The following PPP3CA variants were observed in gnomAD, a reference collection of about 807,000 sequenced individuals.
PPP3CA encodes protein phosphatase 3 catalytic subunit alpha.
PPP3CA carries 14 observed loss-of-function variants against 66.5 expected under a neutral mutation model. The observed-to-expected ratio is 0.21, with a 90% CI of 0.14 to 0.33. PPP3CA has a LOEUF of 0.33. Among genes scored for constraint, PPP3CA ranks in the 10% least tolerant of loss-of-function variants. The pLI, the probability that PPP3CA is intolerant of heterozygous loss-of-function variation, is 1.00. For synonymous variants in PPP3CA, 232 were observed against 226.2 expected (o/e 1.03, Z -0.23); for missense variants, 317 against 639.5 (o/e 0.50, Z 5.44).
intron 1 of PPP3CA, among the ~76,000 whole-genome samples, chr4:101,283,460 T>C (rs1321548270): frequency 6.6e-6 from 1 of 152,226 alleles, no homozygotes; most frequent in Non-Finnish European, 1.5e-5. Context: ...AGAGTGGTAT[T>C]TTTAATTAGC....
chr4:101,222,277 T>C (rs576745444), intron 1 of PPP3CA, among the ~76,000 whole-genome samples: 2 of 151,752 alleles, frequency 1.3e-5, no homozygotes, highest in South Asian at 4.1e-4. Context: ...TAATTTCAAA[T>C]ATATATGTGA....
chr4:101,281,544 TTAATA>T (rs1442858137), intron 1 of PPP3CA, among the ~76,000 whole-genome samples: 1 of 151,454 alleles, frequency 6.6e-6, no homozygotes, highest in Non-Finnish European at 1.5e-5. Flanking sequence ...GTATAAAAAG[TTAATA>T]TAATTGAGTT....
chr4:101,098,321 A>C (rs370017879), intron 5 of PPP3CA, 46 bp downstream of exon 5: 1 of 1,525,330 alleles, frequency 6.6e-7, no homozygotes, highest in African/African-American at 1.4e-5. Context: ...TCTATTTATT[A>C]CTGTAGCGCA....
At chr4:101,210,632 A>G (rs1391523882) in intron 1 of PPP3CA, among the ~76,000 whole-genome samples, 4 of 152,124 alleles carry the variant, frequency 2.6e-5, no homozygotes, top group African/African-American at 9.7e-5. Context: ...CAACTTCTCA[A>G]AACACACAAA....
chr4:101,336,440 C>T (rs144469365), intron 1 of PPP3CA, among the ~76,000 whole-genome samples: 1,736 of 151,952 alleles, frequency 0.011, 20 homozygotes, highest in Non-Finnish European at 0.016. Context: ...GGCATGGTGG[C>T]GCATGCCTGT....
At chr4:101,191,014 G>C (rs1724584460) in intron 2 of PPP3CA, among the ~76,000 whole-genome samples, 2 of 152,238 alleles carry the variant, frequency 1.3e-5, no homozygotes, top group South Asian at 4.1e-4. Context: ...GCTAAGCATA[G>C]GATATGTAGA....
chr4:101,319,240 A>C (rs1728968964), intron 1 of PPP3CA, among the ~76,000 whole-genome samples: 1 of 151,786 alleles, frequency 6.6e-6, no homozygotes, highest in Non-Finnish European at 1.5e-5. Context: ...ATGTATACCC[A>C]AAAAAGAATG....
At chr4:101,140,232 C>G (rs1722760630) in intron 2 of PPP3CA, among the ~76,000 whole-genome samples, 1 of 152,190 alleles carries the variant, frequency 6.6e-6, no homozygotes, top group Non-Finnish European at 1.5e-5. Context: ...AAGTGGAACT[C>G]ATCCTATATT....
chr4:101,313,364 T>C (rs1429678433), intron 1 of PPP3CA, among the ~76,000 whole-genome samples: 1 of 152,168 alleles, frequency 6.6e-6, no homozygotes, highest in Non-Finnish European at 1.5e-5. Context: ...CTGAGACATA[T>C]CAGTGAGGTT....
At chr4:101,172,129 ACT>A (rs777048936) in intron 2 of PPP3CA, among the ~76,000 whole-genome samples, 7 of 151,826 alleles carry the variant, frequency 4.6e-5, no homozygotes, top group Non-Finnish European at 7.4e-5. Context: ...GTACCGCTTG[ACT>A]CTCTCAATAA....
intron 3 of PPP3CA, among the ~76,000 whole-genome samples, chr4:101,102,255 A>C (rs1218380186): frequency 6.9e-6 from 1 of 144,540 alleles, no homozygotes; most frequent in African/African-American, 2.5e-5. Context: ...AGAGAAAGGA[A>C]GGAAGGAAGG....
intron 1 of PPP3CA, among the ~76,000 whole-genome samples, chr4:101,306,584 G>T (rs1450893589): frequency 6.6e-6 from 1 of 151,950 alleles, no homozygotes; most frequent in Admixed American, 6.6e-5. Flanking sequence ...TTCACTTCTC[G>T]GAAGAATAAG....
intron 6 of PPP3CA, among the ~76,000 whole-genome samples, chr4:101,087,687 A>G (rs770645359): frequency 5.3e-5 from 8 of 152,152 alleles, no homozygotes; most frequent in Non-Finnish European, 1.0e-4. Flanking sequence ...TTGTATAAAT[A>G]TATTAGAATT....
In PPP3CA at chr4:101,080,641, T is replaced by C; in HGVS notation, c.861-15A>G. ...ACATGCGGTACCTAAAAAGAACAAA[T>C]ACAGTCAAAACAAAGCTTGTATGGA... On this transcript the variant is annotated splice_polypyrimidine_tract_variant and intron_variant, in intron 7 of 13. Transcript: ENST00000394854. The C allele has an allele frequency of 7.0e-7, 1 of 1,418,576 alleles. No individual in the cohort carries two copies. Among genetic ancestry groups the C allele is most frequent in the Non-Finnish European group, 9.5e-7 (1 of 1,048,254 alleles). 87.9% of individuals were successfully genotyped at this position (1,418,576 alleles called of 1,614,324 possible).
chr4:101,057,585 T>C (rs1389881053), intron 10 of PPP3CA, among the ~76,000 whole-genome samples: 1 of 152,094 alleles, frequency 6.6e-6, no homozygotes, highest in East Asian at 1.9e-4. Context: ...GGGCAGACAA[T>C]ACCACACTAA....
chr4:101,281,291 C>CAGT (rs1161148565), intron 1 of PPP3CA, among the ~76,000 whole-genome samples: 1 of 152,164 alleles, frequency 6.6e-6, no homozygotes, highest in Non-Finnish European at 1.5e-5. Context: ...AGAAATGCAG[C>CAGT]AGTAGCTGGA....
At chr4:101,129,535 G>T (rs995869299) in intron 2 of PPP3CA, among the ~76,000 whole-genome samples, 2 of 152,214 alleles carry the variant, frequency 1.3e-5, no homozygotes, top group Non-Finnish European at 2.9e-5. Context: ...CTGGGACAAA[G>T]CTTCTAGAGG....
At chr4:101,326,229 C>T (rs1210500042) in intron 1 of PPP3CA, among the ~76,000 whole-genome samples, 1 of 152,190 alleles carries the variant, frequency 6.6e-6, no homozygotes, top group African/African-American at 2.4e-5. Context: ...CTCCTAACTC[C>T]TACATATATC....
intron 1 of PPP3CA, among the ~76,000 whole-genome samples, chr4:101,236,867 C>T (rs772496763): frequency 2.0e-5 from 3 of 151,184 alleles, no homozygotes; most frequent in Non-Finnish European, 4.4e-5. Flanking sequence ...AAATAAGATG[C>T]CTTAAGTCTT....
Sources: allele counts gnomAD v4.1 joint callset (sites outside exome capture counted in the v4.1 genomes callset), GRCh38; gene constraint gnomAD v4.1.1; transcripts MANE v1.5; gene names NCBI Gene and HGNC (gene_info 2026-07-23, HGNC 2026-07-21).